MSRA: variants seen among roughly 807,000 people sequenced by gnomAD.
MSRA encodes methionine sulfoxide reductase A.
MSRA carries 54 observed loss-of-function variants against 31.3 expected under a neutral mutation model. That is an observed-to-expected ratio of 1.73 (90% CI 1.39 to 2.17). MSRA has a LOEUF of 2.17. Ranked by LOEUF, MSRA falls within the 30% of genes most tolerant of loss-of-function variation. MSRA has a pLI of 0.00. For synonymous variants in MSRA, 169 were observed against 116.5 expected (o/e 1.45, Z -2.90); for missense variants, 507 against 300.9 (o/e 1.69, Z -5.07).
chr8:10,227,105 G>A (rs1379686944), intron 2 of MSRA, among the ~76,000 whole-genome samples: 3 of 152,326 alleles, frequency 2.0e-5, no homozygotes, highest in Non-Finnish European at 4.4e-5. Context: ...GACACAGTGA[G>A]GCACATTCTG....
intron 1 of MSRA, among the ~76,000 whole-genome samples, chr8:10,176,512 C>T (rs1423862610): frequency 6.6e-6 from 1 of 152,190 alleles, no homozygotes. Context: ...CCTTTGTTTC[C>T]TTCTTCATGG....
chr8:10,413,554 C>T (rs1458312304), intron 5 of MSRA, among the ~76,000 whole-genome samples: 1 of 150,010 alleles, frequency 6.7e-6, no homozygotes, highest in Non-Finnish European at 1.5e-5. Flanking sequence ...GACTTTAAAT[C>T]TGCTGTTATA....
chr8:10,057,188 C>G (rs773082763), intron 1 of MSRA, among the ~76,000 whole-genome samples: 1 of 152,152 alleles, frequency 6.6e-6, no homozygotes, highest in Non-Finnish European at 1.5e-5. Flanking sequence ...TGAACCTGCC[C>G]TGGACTGCCT....
Position 10,054,311 on chromosome 8 carries a change from C to G in MSRA, c.-206C>G, listed in dbSNP as rs1476877767. On this transcript the variant is annotated 5_prime_UTR_variant, in exon 1 of 6. Transcript: ENST00000317173. ...CCCCCTGTCCAGGGAAGGAACACGC[C>G]CCCGGTGACAGCCGGTACGGCCCCG... 2 of 384,704 alleles carry G rather than the reference C, an allele frequency of 5.2e-6. No homozygotes were observed. The highest frequency in any genetic ancestry group is 9.8e-5 in the Admixed American group (2 of 20,414). The allele number at this position is 384,704 out of a possible 1,614,324, so 23.8% of individuals were successfully genotyped here.
intron 5 of MSRA, 96 bp from the exon 6 acceptor site, chr8:10,428,052 C>G: frequency 2.2e-6 from 3 of 1,363,544 alleles, no homozygotes; most frequent in Non-Finnish European, 3.0e-6. Context: ...CCAAGCCACG[C>G]GTCTGCTCAC....
At chr8:10,332,451 T>TCCACCC (rs1554529517) in intron 5 of MSRA, among the ~76,000 whole-genome samples, 2 of 146,512 alleles carry the variant, frequency 1.4e-5, no homozygotes, top group Non-Finnish European at 3.0e-5. Flanking sequence ...AAAAGAAAAA[T>TCCACCC]CCCCCCTCCC....
At chr8:10,398,670 T>C (rs893280236) in intron 5 of MSRA, among the ~76,000 whole-genome samples, 2 of 152,216 alleles carry the variant, frequency 1.3e-5, no homozygotes, top group Non-Finnish European at 2.9e-5. Context: ...TAAGGCCTGA[T>C]CTTTCCGCTC....
At chr8:10,227,721 G>T (rs11781625) in intron 2 of MSRA, among the ~76,000 whole-genome samples, 1 of 152,038 alleles carries the variant, frequency 6.6e-6, no homozygotes, top group Non-Finnish European at 1.5e-5. Flanking sequence ...TCAAATTAAA[G>T]CAGCATTAGG....
rs1428993772 is a variant in MSRA, at chr8:10,428,298, G to A, written c.694G>A (p.Gly232Ser). The change falls in exon 6 of 6, where the codon GGT becomes AGT. Residue 232 changes from glycine (G) to serine (S), a missense_variant. Gly to Ser is a moderately conservative substitution (Grantham distance 56, BLOSUM62 0). Coordinates refer to ENST00000317173, the MANE Select transcript of MSRA (RefSeq NM_012331.5). ...LGGTGVSCPV[G>S]IKK ...GGGCACCGGCGTGTCCTGCCCAGTG[G>A]GTATTAAAAAATAATTTCTCCCCAC... The A allele has an allele frequency of 6.2e-7, 1 of 1,611,770 alleles. No individual in the cohort carries two copies.
chr8:10,285,055 A>G (rs1023380157), intron 3 of MSRA, among the ~76,000 whole-genome samples: 2 of 151,000 alleles, frequency 1.3e-5, no homozygotes, highest in Non-Finnish European at 2.9e-5. Flanking sequence ...AAAAATACAC[A>G]TAACATAAAA....
intron 5 of MSRA, among the ~76,000 whole-genome samples, chr8:10,412,877 T>A (rs549711065): frequency 6.6e-6 from 1 of 151,952 alleles, no homozygotes; most frequent in Admixed American, 6.6e-5. Context: ...GGGACTGAGG[T>A]GGGGAGCACA....
intron 1 of MSRA, among the ~76,000 whole-genome samples, chr8:10,057,737 C>T (rs767737656): frequency 7.2e-5 from 11 of 152,186 alleles, no homozygotes; most frequent in East Asian, 1.9e-4. Context: ...TCGTTCTCTC[C>T]TGCTCCTTTG....
intron 1 of MSRA, among the ~76,000 whole-genome samples, chr8:10,081,225 G>A (rs746017133): frequency 1.3e-5 from 2 of 152,190 alleles, no homozygotes; most frequent in Non-Finnish European, 2.9e-5. Context: ...TCCACGTGGA[G>A]GGGCCTGCTC....
At chr8:10,187,809 T>A (rs1392759229) in intron 1 of MSRA, among the ~76,000 whole-genome samples, 1 of 152,240 alleles carries the variant, frequency 6.6e-6, no homozygotes. Flanking sequence ...TCTTCAGAGG[T>A]AGTTCTATAG....
chr8:10,375,379 A>C (rs1805702681), intron 5 of MSRA, among the ~76,000 whole-genome samples: 1 of 152,192 alleles, frequency 6.6e-6, no homozygotes, highest in Admixed American at 6.5e-5. Context: ...TAGATGAAGA[A>C]CCTTCATATC....
chr8:10,132,146 C>T (rs375863865), intron 1 of MSRA, among the ~76,000 whole-genome samples: 7 of 152,100 alleles, frequency 4.6e-5, no homozygotes, highest in African/African-American at 9.7e-5. Flanking sequence ...TTATCTGAAC[C>T]GTGCTTTTCA....
chr8:10,055,137 G>A (rs1802268863), intron 1 of MSRA, among the ~76,000 whole-genome samples: 1 of 148,018 alleles, frequency 6.8e-6, no homozygotes, highest in African/African-American at 2.5e-5. Context: ...AAAACCTTAA[G>A]TGTGGAACTG....
intron 4 of MSRA, among the ~76,000 whole-genome samples, chr8:10,304,908 A>T (rs934754337): frequency 6.6e-6 from 1 of 152,226 alleles, no homozygotes; most frequent in Non-Finnish European, 1.5e-5. Flanking sequence ...AACAAAAGTG[A>T]TTACTAAAAC....
intron 1 of MSRA, among the ~76,000 whole-genome samples, chr8:10,108,147 T>C (rs1800018827): frequency 6.6e-6 from 1 of 152,184 alleles, no homozygotes; most frequent in Non-Finnish European, 1.5e-5. Context: ...TTTTCTCCTT[T>C]ACACCCCCGT....
Sources: gnomAD v4.1 joint callset for allele counts (sites outside exome capture counted in the v4.1 genomes callset) on GRCh38, gnomAD v4.1.1 for gene constraint, MANE v1.5 for transcripts, NCBI Gene and HGNC (gene_info 2026-07-23, HGNC 2026-07-21) for gene names.